DCAF8: variants seen among roughly 807,000 people sequenced by gnomAD.
DCAF8 encodes DDB1- and CUL4-associated factor 8.
DCAF8 carries 20 observed loss-of-function variants against 68.0 expected under a neutral mutation model. The ratio of observed to expected loss-of-function variants is 0.29; its 90% CI spans 0.21 to 0.43. DCAF8 has a LOEUF of 0.43. Among genes scored for constraint, DCAF8 ranks in the 20% least tolerant of loss-of-function variants. The pLI, the probability that DCAF8 is intolerant of heterozygous loss-of-function variation, is 1.00. For synonymous variants in DCAF8, 230 were observed against 276.9 expected, an observed-to-expected ratio of 0.83 and a Z score of 1.68; for missense variants, 460 against 771.0, an observed-to-expected ratio of 0.60 and a Z score of 4.78.
In DCAF8 at chr1:160,217,712, T is replaced by G. The variant is rs1479122900; in HGVS notation, c.1678-4A>C. On this transcript the variant is annotated splice_polypyrimidine_tract_variant and splice_region_variant and intron_variant, in intron 13 of 13. Coordinates refer to ENST00000368074, the MANE Select transcript of DCAF8 (RefSeq NM_015726.4). The stretch of plus-strand genomic sequence containing the variant: ...CAACCCCAGGTTCTCGCCAGCGCTG[T>G]GGATGGGAAAGGCTTGTTAGTAACT... 6.2e-7 allele frequency: 1 copy of G among 1,612,538 alleles called. No individual in the cohort carries two copies. Among genetic ancestry groups the G allele is most frequent in the Non-Finnish European group, 8.5e-7 (1 of 1,178,724 alleles).
intron 11 of DCAF8, 47 bp downstream of exon 11, chr1:160,222,604 T>C: frequency 6.2e-7 from 1 of 1,609,458 alleles, no homozygotes; most frequent in East Asian, 2.2e-5. Context: ...CCTACCTTAA[T>C]GACTGGAGAG....
At chr1:160,246,735 A>G (rs1656356178) in intron 2 of DCAF8, among the ~76,000 whole-genome samples, 1 of 152,168 alleles carries the variant, frequency 6.6e-6, no homozygotes, top group African/African-American at 2.4e-5. Context: ...TAATCCCAGC[A>G]CATTGGGAGG....
Position 160,255,306 on chromosome 1 carries a change from CT to C in DCAF8, c.-27+5978del, listed in dbSNP as rs1350275967. Reference sequence around the variant, plus strand: ...TTAATTTTTAAAATAGATTTTTTTACTATTATTATCGTAGAGACGGAGTCTC... The same window carrying C: ...TTAATTTTTAAAATAGATTTTTTTACATTATTATCGTAGAGACGGAGTCTC... On this transcript the variant is annotated intron_variant, in intron 2 of 13. Coordinates refer to ENST00000368074, the MANE Select transcript of DCAF8 (RefSeq NM_015726.4). Among the ~76,000 whole-genome samples, 3 of 152,252 alleles carry C rather than the reference CT, an allele frequency of 2.0e-5. No homozygotes were observed. The East Asian group carries it at 5.8e-4, about 29-fold the overall frequency.
intron 3 of DCAF8, among the ~76,000 whole-genome samples, chr1:160,242,059 A>G (rs951893341): frequency 6.6e-6 from 1 of 152,186 alleles, no homozygotes; most frequent in Non-Finnish European, 1.5e-5. Flanking sequence ...CCCGGCTAAC[A>G]TGGTGAAACC....
chr1:160,242,411 T>C (rs898100642), intron 3 of DCAF8, among the ~76,000 whole-genome samples: 7 of 152,138 alleles, frequency 4.6e-5, no homozygotes, highest in Admixed American at 4.6e-4. Context: ...GAAATGCAGC[T>C]GGGCTTGAGC....
intron 2 of DCAF8, among the ~76,000 whole-genome samples, chr1:160,260,017 T>C (rs1338952864): frequency 2.0e-5 from 3 of 152,032 alleles, no homozygotes; most frequent in East Asian, 1.9e-4. Context: ...GAAAAATGTG[T>C]TCTAAGGCAA....
At chr1:160,243,406 C>T (rs1170546466) in intron 3 of DCAF8, among the ~76,000 whole-genome samples, 2 of 138,966 alleles carry the variant, frequency 1.4e-5, no homozygotes, top group East Asian at 2.1e-4. Flanking sequence ...ATGTAATCAC[C>T]TTTTTTTTTT....
chr1:160,252,575 G>A (rs912486705), intron 2 of DCAF8, among the ~76,000 whole-genome samples: 1 of 152,122 alleles, frequency 6.6e-6, no homozygotes, highest in Non-Finnish European at 1.5e-5. Context: ...TGTTGTTGGG[G>A]GGCAGGCAGT....
intron 7 of DCAF8, among the ~76,000 whole-genome samples, chr1:160,226,806 A>G (rs1571083503): frequency 1.3e-5 from 2 of 152,126 alleles, no homozygotes; most frequent in South Asian, 4.1e-4. Context: ...TTGGTTCTCA[A>G]CTCACCACTG....
chr1:160,239,376 G>T, intron 4 of DCAF8: 1 of 1,379,880 alleles, frequency 7.2e-7, no homozygotes, highest in Non-Finnish European at 9.4e-7. Context: ...CACTGAGCTA[G>T]TAAGCAGAAG....
intron 13 of DCAF8, 44 bp downstream of exon 13, chr1:160,218,279 TA>T: frequency 6.6e-7 from 1 of 1,520,048 alleles, no homozygotes; most frequent in Non-Finnish European, 9.1e-7. Flanking sequence ...TTAGCCCTCT[TA>T]AAAGGGTCAC....
chr1:160,240,464 C>CA (rs1656068350), intron 3 of DCAF8, 94 bp from the exon 4 acceptor site: 3 of 1,247,282 alleles, frequency 2.4e-6, no homozygotes, highest in African/African-American at 3.0e-5. Context: ...ATCAAAAGAC[C>CA]AAAAAATGAA....
In DCAF8 at chr1:160,237,621, G is replaced by A. The variant is rs892103028; in HGVS notation, c.865-392C>T. On this transcript the variant is annotated intron_variant, in intron 5 of 13. Coordinates refer to ENST00000368074, the MANE Select transcript of DCAF8 (RefSeq NM_015726.4). ...GGCTCACTAAAGCCTCAACCTTGTG[G>A]GCTTAAGTGATCCTCCCACCTCAGC... Among the ~76,000 whole-genome samples, 3 of 152,118 alleles carry A rather than the reference G, an allele frequency of 2.0e-5. No individual in the cohort carries two copies. The South Asian group carries it at 6.3e-4, about 32-fold the overall frequency.
intron 11 of DCAF8, 33 bp from the exon 12 acceptor site, chr1:160,219,001 C>T (rs1655212274): frequency 2.5e-6 from 4 of 1,613,182 alleles, no homozygotes; most frequent in South Asian, 1.1e-5. Context: ...ACAGACTCAG[C>T]AGTGTGTGGG....
At chr1:160,227,296 C>T (rs1450986886) in intron 7 of DCAF8, among the ~76,000 whole-genome samples, 1 of 152,166 alleles carries the variant, frequency 6.6e-6, no homozygotes, top group East Asian at 1.9e-4. Flanking sequence ...GAGAAAAAGA[C>T]TTGAAAAGTA....
intron 2 of DCAF8, among the ~76,000 whole-genome samples, chr1:160,260,103 AAAC>A (rs932501564): frequency 1.3e-5 from 2 of 152,084 alleles, no homozygotes; most frequent in Admixed American, 6.5e-5. Flanking sequence ...AAAAACCAAA[AAAC>A]AACATTTTTT....
intron 6 of DCAF8, 92 bp downstream of exon 6, chr1:160,237,043 C>T (rs927291869): frequency 1.0e-5 from 9 of 864,438 alleles, no homozygotes; most frequent in South Asian, 3.7e-5. Context: ...AGGTACTATT[C>T]GGATGAACCA....
At chr1:160,248,350 A>T (rs951968776) in intron 2 of DCAF8, among the ~76,000 whole-genome samples, 19 of 152,128 alleles carry the variant, frequency 1.2e-4, no homozygotes, top group African/African-American at 4.6e-4. Flanking sequence ...TACTGTTACA[A>T]CAATGCAAAG....
intron 2 of DCAF8, among the ~76,000 whole-genome samples, chr1:160,259,282 C>A (rs1571119064): frequency 2.0e-5 from 3 of 152,178 alleles, no homozygotes; most frequent in African/African-American, 7.2e-5. Flanking sequence ...CACCTGTAAT[C>A]CTAGCACTTT....
Sources: gnomAD v4.1 joint callset for allele counts (sites outside exome capture counted in the v4.1 genomes callset) on GRCh38, gnomAD v4.1.1 for gene constraint, MANE v1.5 for transcripts, NCBI Gene and HGNC (gene_info 2026-07-23, HGNC 2026-07-21) for gene names.